Variants in FAR2 observed in about 807,000 individuals in gnomAD.
FAR2 encodes the protein epididymis secretory protein Li 81.
Under a neutral mutation model 56.0 loss-of-function variants are expected in FAR2, and 19 were observed. The observed-to-expected ratio is 0.34, with a 90% CI of 0.24 to 0.50. FAR2 has a LOEUF of 0.50. FAR2 is among the 20% of genes least tolerant of loss of function. The pLI, the probability that FAR2 is intolerant of heterozygous loss-of-function variation, is 0.98. For missense variants in FAR2, 508 were observed against 642.2 expected (o/e 0.79, Z 2.26); for synonymous variants, 219 against 218.8 (o/e 1.00, Z -0.01).
chr12:29,223,815 TA>T (rs1947726939), intron 1 of FAR2: 1 of 152,218 alleles, frequency 6.6e-6, no homozygotes, highest in Admixed American at 6.5e-5. Flanking sequence ...AGAAGTAATT[TA>T]AATTTTTCTG....
chr12:29,289,393 A>T (rs1948925423), intron 2 of FAR2, among the ~76,000 whole-genome samples: 1 of 152,182 alleles, frequency 6.6e-6, no homozygotes, highest in Non-Finnish European at 1.5e-5. Context: ...AAATCCACAC[A>T]CCTACAGTGA....
chr12:29,155,084 G>A (rs1481911706), intron 1 of FAR2, among the ~76,000 whole-genome samples: 1 of 152,144 alleles, frequency 6.6e-6, no homozygotes, highest in Non-Finnish European at 1.5e-5. Flanking sequence ...AACAGGATCT[G>A]CAGTCTGATT....
chr12:29,192,072 C>G lies in FAR2; in HGVS notation c.-39+42665C>G, dbSNP rs191337437. Among the ~76,000 whole-genome samples, 998 of 152,330 alleles carry G rather than the reference C, an allele frequency of 6.6e-3. 10 individuals are homozygous for G. The highest frequency in any genetic ancestry group is 0.022 in the African/African-American group (921 of 41,568). On this transcript the variant is annotated intron_variant, in intron 1 of 11. Transcript: ENST00000536681. ...CTCTAAACAGTTAGCTTTCCAGTGA[C>G]TTTCAGAAAGTAGTAGGAGAAAAAT...
chr12:29,182,683 T>A lies in FAR2; in HGVS notation c.-39+33276T>A, dbSNP rs186720418. On this transcript the variant is annotated intron_variant, in intron 1 of 11. Transcript: ENST00000536681. ...AAGTATGTGCCTGGAAGGGGTCATA[T>A]CTTTCTACTAGTTTAAGAGATTGGT... 2.6e-5 allele frequency among the ~76,000 whole-genome samples: 4 copies of A among 152,312 alleles called. No individual in the cohort carries two copies. The East Asian group carries it at 7.7e-4, about 29-fold the overall frequency.
At position 29,321,865 on chromosome 12, in the gene FAR2, G is replaced by C. The variant is rs1290704117; in HGVS notation, c.1198G>C (p.Glu400Gln). The change falls in exon 10 of 12, where the codon GAA (glutamate) becomes CAA (glutamine). Residue 400 changes from glutamate to glutamine, a missense_variant. By Grantham distance (29) the Glu-to-Gln change is conservative. Coordinates refer to ENST00000536681, the MANE Select transcript of FAR2 (RefSeq NM_001271783.2). ...MLEYFINRSW[E>Q]WSTYNTEMLM... ...GGAGTATTTCATCAACCGGAGTTGG[G>C]AATGGAGCACGTACAATACAGAAAT... 6.2e-7 allele frequency: 1 copy of C among 1,613,916 alleles called. No individual in the cohort carries two copies.
At chr12:29,310,703 A>G (rs2136788426) in intron 6 of FAR2, among the ~76,000 whole-genome samples, 1 of 152,350 alleles carries the variant, frequency 6.6e-6, no homozygotes, top group South Asian at 2.1e-4. Flanking sequence ...AACATGTCTT[A>G]TGAATTAATT....
chr12:29,181,500 C>G (rs559793776), intron 1 of FAR2, among the ~76,000 whole-genome samples: 4 of 152,190 alleles, frequency 2.6e-5, no homozygotes, highest in African/African-American at 9.7e-5. Flanking sequence ...TCACTGCTTC[C>G]GGAAACTTTC....
At chr12:29,221,598 C>A (rs981765659) in intron 1 of FAR2, among the ~76,000 whole-genome samples, 14 of 151,944 alleles carry the variant, frequency 9.2e-5, no homozygotes, top group African/African-American at 3.4e-4. Flanking sequence ...TTTTGTCTTT[C>A]AAGTTTGTCA....
chr12:29,200,670 C>A (rs886813895), intron 1 of FAR2, among the ~76,000 whole-genome samples: 2 of 152,242 alleles, frequency 1.3e-5, no homozygotes, highest in African/African-American at 2.4e-5. Flanking sequence ...GATCCCTTTA[C>A]CTTTAGTTAA....
intron 1 of FAR2, among the ~76,000 whole-genome samples, chr12:29,158,326 G>A (rs904498612): frequency 1.3e-5 from 2 of 152,198 alleles, no homozygotes; most frequent in Non-Finnish European, 2.9e-5. Flanking sequence ...TAAAAGATGG[G>A]CACTTGTTCT....
At chr12:29,225,290 G>A (rs181257837) in intron 1 of FAR2, among the ~76,000 whole-genome samples, 8 of 152,212 alleles carry the variant, frequency 5.3e-5, no homozygotes, top group African/African-American at 1.9e-4. Context: ...AATAAAGAAC[G>A]TTTAGACAAT....
chr12:29,297,620 C>A (rs67146951), intron 4 of FAR2, among the ~76,000 whole-genome samples: 45,670 of 152,040 alleles, frequency 0.3, 6,971 homozygotes, highest in East Asian at 0.35. Context: ...AAATTCCTTG[C>A]CCTCTCTGAG....
chr12:29,333,933 T>C lies in FAR2; in HGVS notation c.*139T>C, dbSNP rs1162871213. 4.3e-6 allele frequency: 3 copies of C among 692,378 alleles called. No individual in the cohort carries two copies. 42.9% of individuals were successfully genotyped at this position (692,378 alleles called of 1,614,324 possible). ...CCTGTTATGTATTCGTCCCTATTCC[T>C]TAACTATGTATTTTTATTTCAGTGA... On this transcript the variant is annotated 3_prime_UTR_variant, in exon 12 of 12. Coordinates refer to ENST00000536681, the MANE Select transcript of FAR2 (RefSeq NM_001271783.2).
At chr12:29,264,172 G>T (rs1948472677) in intron 1 of FAR2, among the ~76,000 whole-genome samples, 1 of 152,068 alleles carries the variant, frequency 6.6e-6, no homozygotes, top group East Asian at 1.9e-4. Flanking sequence ...CTCAACATGT[G>T]CAAATCAGTC....
At chr12:29,261,836 A>G (rs1948424081) in intron 1 of FAR2, among the ~76,000 whole-genome samples, 1 of 152,260 alleles carries the variant, frequency 6.6e-6, no homozygotes, top group South Asian at 2.1e-4. Context: ...TTCTTCAAGC[A>G]CAAAGGAGAA....
In FAR2 at chr12:29,317,672, T is replaced by A. The variant is rs553490121; in HGVS notation, c.1127+660T>A. ...TAGGGTTTTCTGAATAGGTAGATAA[T>A]CTTAAATATACAATAATGATGACAA... On this transcript the variant is annotated intron_variant, in intron 9 of 11. Transcript: ENST00000536681. 2.6e-5 allele frequency: 4 copies of A among 152,720 alleles called. No homozygotes were observed. In the East Asian group the frequency reaches 7.7e-4, roughly 29 times the overall value. 9.5% of individuals were successfully genotyped at this position (152,720 alleles called of 1,614,324 possible).
chr12:29,160,308 A>G (rs1173383537), intron 1 of FAR2, among the ~76,000 whole-genome samples: 2 of 152,212 alleles, frequency 1.3e-5, no homozygotes, highest in African/African-American at 4.8e-5. Flanking sequence ...TTGTTCCAAA[A>G]CAGAGAAAGG....
At chr12:29,316,491 T>TCGC (rs1479555138) in intron 8 of FAR2, among the ~76,000 whole-genome samples, 4 of 152,220 alleles carry the variant, frequency 2.6e-5, no homozygotes, top group Non-Finnish European at 5.9e-5. Flanking sequence ...ATAAGGTCTC[T>TCGC]CGCCTCTGTC....
chr12:29,243,972 C>G (rs552522265), intron 1 of FAR2, among the ~76,000 whole-genome samples: 14 of 151,754 alleles, frequency 9.2e-5, no homozygotes, highest in Non-Finnish European at 2.1e-4. Flanking sequence ...TAGCACAATC[C>G]CTGGAACATA....
Sources: gnomAD v4.1 joint callset for allele counts (sites outside exome capture counted in the v4.1 genomes callset) on GRCh38, gnomAD v4.1.1 for gene constraint, MANE v1.5 for transcripts, NCBI Gene and HGNC (gene_info 2026-07-23, HGNC 2026-07-21) for gene names.